OSBPL3: variants seen among roughly 807,000 people sequenced by gnomAD.
OSBPL3 encodes the protein oxysterol-binding protein-related protein 3.
OSBPL3 carries 65 observed loss-of-function variants against 120.1 expected under a neutral mutation model. The ratio of observed to expected loss-of-function variants is 0.54; its 90% CI spans 0.44 to 0.67. The LOEUF is 0.67. Among genes scored for constraint, OSBPL3 ranks in the 30% least tolerant of loss-of-function variants. OSBPL3 has a pLI of 0.00. For missense variants in OSBPL3, 1,004 were observed against 1,082.1 expected (o/e 0.93, Z 1.01); for synonymous variants, 416 against 402.6 (o/e 1.03, Z -0.40).
intron 12 of OSBPL3, among the ~76,000 whole-genome samples, chr7:24,846,708 G>A (rs1192244078): frequency 6.6e-6 from 1 of 152,128 alleles, no homozygotes; most frequent in African/African-American, 2.4e-5. Context: ...TAAAAAAGGT[G>A]GGCATTTTAG....
rs13226842 is a variant in OSBPL3 at position 24,819,030 on chromosome 7, G to A, written c.1948+1145C>T. Among the ~76,000 whole-genome samples the A allele has an allele frequency of 7.9e-5, 12 of 152,120 alleles. No individual in the cohort carries two copies. Among genetic ancestry groups the A allele is most frequent in the Non-Finnish European group, 1.2e-4 (8 of 67,986 alleles). ...AGCATTTTGGGAGGCCGAGGCAGGC[G>A]GATCACAAGGTCAAGAGATCAAGAC... On this transcript the variant is annotated intron_variant, in intron 17 of 22. Transcript: ENST00000313367. This position sits in a 1 kb window ranked among gnomAD's most constrained non-coding sequence, Gnocchi z 4.1.
At position 24,831,567 on chromosome 7, in the gene OSBPL3, C is replaced by A. The variant is rs1796370109; in HGVS notation, c.1747-662G>T. On this transcript the variant is annotated intron_variant, in intron 15 of 22. Coordinates refer to ENST00000313367, the MANE Select transcript of OSBPL3 (RefSeq NM_015550.4). This position sits in a 1 kb window ranked among gnomAD's most constrained non-coding sequence, Gnocchi z 4.0. ...ACACGAAGTGAACAAACTCTCTGGG[C>A]AGCCCTTACTGTGAGGTCTTGGCGT... 6.6e-6 allele frequency among the ~76,000 whole-genome samples: 1 copy of A among 152,192 alleles called. No homozygotes were observed. The highest frequency in any genetic ancestry group is 1.5e-5 in the Non-Finnish European group (1 of 68,042).
rs142111357 is a variant in OSBPL3 at position 24,861,767 on chromosome 7, G to A, written c.873C>T (p.Val291=). 3.9e-4 allele frequency: 622 copies of A among 1,581,416 alleles called. No homozygotes were observed. The highest frequency in any genetic ancestry group is 5.1e-4 in the Non-Finnish European group (591 of 1,164,880). The change falls in exon 10 of 23, where the codon GTC becomes GTT. Residue 291 remains valine, a splice_region_variant and synonymous_variant. Transcript: ENST00000313367. ...IGKDAKGTLQ[V]PKPFSGPVRL... ...TTACTGGGCCAGAAAAAGGTTTCGG[G>A]ACCTGAAGTAACACCAAAGGGAGAT...
At chr7:24,816,080 G>A (rs1259716815) in intron 18 of OSBPL3, among the ~76,000 whole-genome samples, 3 of 152,164 alleles carry the variant, frequency 2.0e-5, no homozygotes, top group Admixed American at 6.5e-5. Context: ...CTGGAGTGCA[G>A]TGGCACGATC....
At chr7:24,910,069 G>A (rs959404300) in intron 1 of OSBPL3, among the ~76,000 whole-genome samples, 10 of 152,228 alleles carry the variant, frequency 6.6e-5, no homozygotes, top group Admixed American at 3.9e-4. Context: ...GCCTCCCAAA[G>A]TGCTGAGATT....
In OSBPL3 at chr7:24,824,866, A is replaced by G. The variant is rs1317619314; in HGVS notation, c.1885-4628T>C. On this transcript the variant is annotated intron_variant, in intron 16 of 22. Transcript: ENST00000313367. This position sits in a 1 kb window ranked among gnomAD's most constrained non-coding sequence, Gnocchi z 4.9. The stretch of plus-strand genomic sequence containing the variant: ...AATGGAAACCTGTGGGGCTGAGAGA[A>G]GTTCGGAAGTTAACCATGCAGATAT... Among the ~76,000 whole-genome samples, 3 of 152,174 alleles carry G rather than the reference A, an allele frequency of 2.0e-5. No homozygotes were observed. Among genetic ancestry groups the G allele is most frequent in the Non-Finnish European group, 4.4e-5 (3 of 68,032 alleles).
At chr7:24,861,825 T>G (rs1207126203) in intron 9 of OSBPL3, 56 bp from the exon 10 acceptor site, 2 of 1,201,248 alleles carry the variant, frequency 1.7e-6, no homozygotes, top group East Asian at 5.0e-5. Flanking sequence ...CTTAGAATAT[T>G]TACTTGATTC....
chr7:24,863,410 C>T lies in OSBPL3; in HGVS notation c.777+86G>A, dbSNP rs1800854767. 7.3e-7 allele frequency: 1 copy of T among 1,368,646 alleles called. No individual in the cohort carries two copies. The highest frequency in any genetic ancestry group is 1.0e-6 in the Non-Finnish European group (1 of 956,792). 84.8% of individuals were successfully genotyped at this position (1,368,646 alleles called of 1,614,324 possible). ...TGACTTTGGCTGAAGCAACTGACCA[C>T]AGCATCCCACTGTTAGTGAAAGGCT... is the stretch of plus-strand genomic sequence containing the variant. On this transcript the variant is annotated intron_variant, in intron 8 of 22. Coordinates refer to ENST00000313367, the MANE Select transcript of OSBPL3 (RefSeq NM_015550.4). The surrounding 1 kb of genome is among the most constrained non-coding windows in gnomAD (Gnocchi z 5.8).
In OSBPL3 at chr7:24,918,032, G is replaced by A; in HGVS notation, c.-149-25411C>T. 1.0e-6 allele frequency: 1 copy of A among 972,688 alleles called. No homozygotes were observed. Among genetic ancestry groups the A allele is most frequent in the Non-Finnish European group, 1.2e-6 (1 of 818,276 alleles). 60.3% of individuals were successfully genotyped at this position (972,688 alleles called of 1,614,324 possible). On this transcript the variant is annotated intron_variant, in intron 1 of 22. Coordinates refer to ENST00000313367, the MANE Select transcript of OSBPL3 (RefSeq NM_015550.4). The surrounding 1 kb of genome is among the most constrained non-coding windows in gnomAD (Gnocchi z 4.3). ...CAGTGATCCTATGAGTCCATAAAATGACTAGCACTCTTACCTATAAAGGTT... is the reference window on the plus strand; with the variant it reads ...CAGTGATCCTATGAGTCCATAAAATAACTAGCACTCTTACCTATAAAGGTT...
intron 15 of OSBPL3, among the ~76,000 whole-genome samples, chr7:24,832,601 G>A (rs1311747100): frequency 2.0e-5 from 3 of 151,992 alleles, no homozygotes; most frequent in African/African-American, 7.2e-5. Context: ...AAACCTGGGT[G>A]TCTGTTCCTC....
chr7:24,861,921 C>G, intron 9 of OSBPL3, 152 bp from the exon 10 acceptor site: 2 of 482,014 alleles, frequency 4.1e-6, no homozygotes, highest in Non-Finnish European at 7.1e-6. Context: ...GAGTCTCGCT[C>G]TGCCACCCAG....
intron 2 of OSBPL3, among the ~76,000 whole-genome samples, chr7:24,887,299 C>A (rs920067041): frequency 1.3e-5 from 2 of 152,068 alleles, no homozygotes; most frequent in Non-Finnish European, 2.9e-5. Context: ...TTAGTTCCTA[C>A]AAGAAAAGTA....
intron 4 of OSBPL3, 149 bp from the exon 5 acceptor site, chr7:24,870,994 G>A: frequency 3.1e-6 from 2 of 643,124 alleles, no homozygotes; most frequent in East Asian, 2.8e-5. Flanking sequence ...TGAGTTACGT[G>A]CTGGACATGC....
At chr7:24,979,853 A>G in intron 1 of OSBPL3, 33 bp downstream of exon 1, 1 of 947,556 alleles carries the variant, frequency 1.1e-6, no homozygotes, top group South Asian at 4.8e-5. Flanking sequence ...CCCGACACCC[A>G]GGCCCCATTT....
chr7:24,800,452 A>AC lies in OSBPL3; in HGVS notation c.2568-174dup, dbSNP rs138014061. 2.9e-3 allele frequency among the ~76,000 whole-genome samples: 361 copies of AC among 126,508 alleles called. 2 individuals carry two copies. The highest frequency in any genetic ancestry group is 8.6e-3 in the African/African-American group (303 of 35,152). The allele number at this position is 126,508 out of a possible 152,430, so 83.0% of individuals were successfully genotyped here. A position where few individuals can be genotyped will look rare whatever the true frequency, so the allele number is the denominator to read the frequency against. On this transcript the variant is annotated intron_variant, in intron 22 of 22. Coordinates refer to ENST00000313367, the MANE Select transcript of OSBPL3 (RefSeq NM_015550.4). The stretch of plus-strand genomic sequence containing the variant: ...TTAGATGTCCAGAAATAATTTTGTT[A>AC]CTTTTTTTTTTTTTTTTTTTTTGAG...
At chr7:24,909,617 A>T (rs551940565) in intron 1 of OSBPL3, among the ~76,000 whole-genome samples, 1 of 152,294 alleles carries the variant, frequency 6.6e-6, no homozygotes, top group East Asian at 1.9e-4. Flanking sequence ...AGAAGCTGGC[A>T]TGCCTTCAAA....
At chr7:24,921,571 T>A (rs560437819) in intron 1 of OSBPL3, among the ~76,000 whole-genome samples, 7 of 152,278 alleles carry the variant, frequency 4.6e-5, no homozygotes, top group Non-Finnish European at 8.8e-5. Flanking sequence ...AGCTCAGAAG[T>A]GGCAGCATCC....
chr7:24,871,946 A>C lies in OSBPL3; in HGVS notation c.213+7T>G, dbSNP rs1802179615. On this transcript the variant is annotated splice_region_variant and intron_variant, in intron 3 of 22. Coordinates refer to ENST00000313367, the MANE Select transcript of OSBPL3 (RefSeq NM_015550.4). The surrounding 1 kb of genome is among the most constrained non-coding windows in gnomAD (Gnocchi z 4.8). ...GCAAATAAAGGGGAGGCCAAGACCA[A>C]CCTTACCTTATGCCAGCCTTTTAAG... 4 of 1,602,436 alleles carry C rather than the reference A, an allele frequency of 2.5e-6. No homozygotes were observed. Among genetic ancestry groups the C allele is most frequent in the Non-Finnish European group, 3.4e-6 (4 of 1,169,422 alleles).
intron 1 of OSBPL3, among the ~76,000 whole-genome samples, chr7:24,944,455 C>T (rs999747469): frequency 2.0e-5 from 3 of 152,016 alleles, no homozygotes; most frequent in Non-Finnish European, 4.4e-5. Flanking sequence ...GGCGAAACCC[C>T]GTCTCTACTA....
Sources: gnomAD v4.1 joint callset for allele counts (sites outside exome capture counted in the v4.1 genomes callset) on GRCh38, gnomAD v4.1.1 for gene constraint, Gnocchi (gnomAD v3.1) non-coding constraint, MANE v1.5 for transcripts, NCBI Gene and HGNC (gene_info 2026-07-23, HGNC 2026-07-21) for gene names.